AP3S2: variants seen among roughly 807,000 people sequenced by gnomAD.
The protein encoded by AP3S2 is AP-3 complex subunit sigma-2.
In AP3S2, 22 loss-of-function variants were observed where a neutral mutation model predicts 23.4. The ratio of observed to expected loss-of-function variants is 0.94; its 90% CI spans 0.67 to 1.34. The LOEUF (loss-of-function observed/expected upper bound fraction) is 1.34, where lower values mean the gene tolerates loss of function less well. Among genes scored for constraint, AP3S2 ranks in the 40% most tolerant of loss-of-function variants. AP3S2 has a pLI of 0.00. For missense variants in AP3S2, 241 were observed against 236.9 expected (o/e 1.02, Z -0.11); for synonymous variants, 86 against 87.1 (o/e 0.99, Z 0.07).
intron 4 of AP3S2, among the ~76,000 whole-genome samples, chr15:89,844,219 C>G (rs1567173706): frequency 3.7e-5 from 1 of 26,830 alleles, no homozygotes; most frequent in Non-Finnish European, 7.9e-5. Flanking sequence ...CTCTTTCTTT[C>G]TTTCTTTCTT....
At chr15:89,844,507 T>G (rs973289368) in intron 4 of AP3S2, among the ~76,000 whole-genome samples, 12 of 151,462 alleles carry the variant, frequency 7.9e-5, no homozygotes, top group Non-Finnish European at 1.6e-4. Context: ...CCAGCTTTTT[T>G]TCTTTTTTTT....
chr15:89,851,458 C>T (rs781125895), intron 4 of AP3S2, among the ~76,000 whole-genome samples: 2 of 152,150 alleles, frequency 1.3e-5, no homozygotes, highest in Non-Finnish European at 2.9e-5. Flanking sequence ...CCTGCCTCAG[C>T]CTCCTGAGTA....
intron 5 of AP3S2, among the ~76,000 whole-genome samples, chr15:89,835,984 C>T (rs1265063544): frequency 5.9e-5 from 9 of 152,070 alleles, no homozygotes; most frequent in South Asian, 2.1e-4. Context: ...GCTGAGATCA[C>T]GCCACTGCAC....
chr15:89,870,508 C>G (rs1896293892), intron 4 of AP3S2, among the ~76,000 whole-genome samples: 1 of 152,158 alleles, frequency 6.6e-6, no homozygotes, highest in Non-Finnish European at 1.5e-5. Flanking sequence ...CATCCAAACT[C>G]AAGAATGCAT....
At chr15:89,868,511 G>T (rs1896219480) in intron 4 of AP3S2, among the ~76,000 whole-genome samples, 1 of 123,912 alleles carries the variant, frequency 8.1e-6, no homozygotes, top group Non-Finnish European at 1.7e-5. Context: ...GGTCCGGGAG[G>T]GAGGTGGGGG....
At chr15:89,873,330 G>A (rs907980600) in intron 3 of AP3S2, among the ~76,000 whole-genome samples, 44 of 146,186 alleles carry the variant, frequency 3.0e-4, no homozygotes, top group African/African-American at 9.8e-4. Context: ...TGTTGTCCAC[G>A]CTGAAGTGCA....
rs1405260197 is a variant in AP3S2 at position 89,889,098 on chromosome 15, G to C, written c.112C>G (p.Leu38Val). ...ATGTTGTCATCCCGCTTGAGGACTAGATGGAAAGTCTCTCGAACAATCTGC... is the reference window on the plus strand; with the variant it reads ...ATGTTGTCATCCCGCTTGAGGACTACATGGAAAGTCTCTCGAACAATCTGC... ...QQQIVRETFH[L>V]VLKRDDNICN... The change falls in exon 2 of 6, where the codon CTA (leucine) becomes GTA (valine). Residue 38 changes from leucine to valine, a missense_variant. Transcript: ENST00000336418. 3 of 1,614,208 alleles carry C rather than the reference G, an allele frequency of 1.9e-6. No homozygotes were observed. The South Asian group carries it at 3.3e-5, about 18-fold the overall frequency.
chr15:89,889,271 G>A, intron 1 of AP3S2, 131 bp from the exon 2 acceptor site: 2 of 936,442 alleles, frequency 2.1e-6, no homozygotes, highest in South Asian at 1.6e-5. Flanking sequence ...TTCTAGAAAT[G>A]ATAAAAATGA....
intron 4 of AP3S2, among the ~76,000 whole-genome samples, chr15:89,848,308 T>C (rs571727253): frequency 3.3e-5 from 5 of 152,382 alleles, no homozygotes; most frequent in Non-Finnish European, 7.3e-5. Context: ...TGAAAAAGAA[T>C]TGTTAATCAC....
intron 4 of AP3S2, among the ~76,000 whole-genome samples, chr15:89,864,566 A>AT (rs780091812): frequency 0.01 from 1,504 of 144,204 alleles, 9 homozygotes; most frequent in Non-Finnish European, 0.017. Flanking sequence ...CTACCAACAC[A>AT]TTTTTTTTTT....
intron 5 of AP3S2, 93 bp from the exon 6 acceptor site, chr15:89,835,736 C>CAA: frequency 1.4e-6 from 2 of 1,449,214 alleles, no homozygotes; most frequent in East Asian, 4.9e-5. Flanking sequence ...AAAACAAAAA[C>CAA]AAACAAGCAG....
intron 4 of AP3S2, among the ~76,000 whole-genome samples, chr15:89,859,401 T>G (rs1209767132): frequency 1.4e-5 from 2 of 144,708 alleles, no homozygotes; most frequent in Non-Finnish European, 3.0e-5. Flanking sequence ...CTTTCTTTCT[T>G]TTTTTTTTTT....
chr15:89,893,413 G>T (rs1423581501), intron 1 of AP3S2: 1 of 265,074 alleles, frequency 3.8e-6, no homozygotes, highest in Non-Finnish European at 7.0e-6. Context: ...CTAGTCTCTG[G>T]AAAGTCCCAG....
At chr15:89,840,821 T>C (rs1045174253) in intron 4 of AP3S2, among the ~76,000 whole-genome samples, 1 of 152,224 alleles carries the variant, frequency 6.6e-6, no homozygotes, top group Non-Finnish European at 1.5e-5. Context: ...AGCAGCAGAA[T>C]GGTGCTGATT....
chr15:89,860,619 G>C (rs1266510464), intron 4 of AP3S2, among the ~76,000 whole-genome samples: 2 of 152,148 alleles, frequency 1.3e-5, no homozygotes, highest in East Asian at 3.8e-4. Flanking sequence ...TGGAACTACA[G>C]AAAGTGAAAC....
intron 1 of AP3S2, among the ~76,000 whole-genome samples, chr15:89,892,522 A>C (rs994966685): frequency 6.6e-6 from 1 of 152,206 alleles, no homozygotes; most frequent in Non-Finnish European, 1.5e-5. Context: ...TAAATAACAT[A>C]AAATAAATAA....
chr15:89,858,790 C>T (rs768741852), intron 4 of AP3S2, among the ~76,000 whole-genome samples: 19 of 152,126 alleles, frequency 1.2e-4, no homozygotes, highest in Non-Finnish European at 2.6e-4. Flanking sequence ...TTACTGAAAA[C>T]GGCTGCATAT....
chr15:89,847,375 C>CAAAAAAAAAAAAAA (rs11314336), intron 4 of AP3S2, among the ~76,000 whole-genome samples: 1 of 62,596 alleles, frequency 1.6e-5, no homozygotes. Flanking sequence ...GACCCTGTTA[C>CAAAAAAAAAAAAAA]AAAAAAAAAA....
At chr15:89,861,334 T>C (rs1047890673) in intron 4 of AP3S2, among the ~76,000 whole-genome samples, 4 of 152,156 alleles carry the variant, frequency 2.6e-5, no homozygotes, top group African/African-American at 9.7e-5. Flanking sequence ...GCTGGATAAA[T>C]TCCCTTGACA....
Sources: allele counts gnomAD v4.1 joint callset (sites outside exome capture counted in the v4.1 genomes callset), GRCh38; gene constraint gnomAD v4.1.1; transcripts MANE v1.5; gene names NCBI Gene and HGNC (gene_info 2026-07-23, HGNC 2026-07-21).